The following ZNF260 variants were observed in gnomAD, a reference collection of about 807,000 sequenced individuals.
ZNF260 encodes the protein zinc finger protein 260.
ZNF260 carries 21 observed loss-of-function variants against 29.3 expected under a neutral mutation model. That is an observed-to-expected ratio of 0.72 (90% CI 0.51 to 1.03). The LOEUF is 1.03. ZNF260 is among the 50% of genes least tolerant of loss of function. ZNF260 has a pLI of 0.00. For synonymous variants in ZNF260, 156 were observed against 156.8 expected (o/e 0.99, Z 0.04); for missense variants, 465 against 487.8 (o/e 0.95, Z 0.44).
chr19:36,514,001 T>A lies in ZNF260; in HGVS notation c.1238A>T (p.Ter413LeuextTer4). 1 of 1,609,072 alleles carries A rather than the reference T, an allele frequency of 6.2e-7. No homozygotes were observed. Residue 413 changes from the stop codon to leucine, a stop_lost, in exon 3 of 3, where the codon TAA (stop) becomes TTA (leucine). Transcript: ENST00000523638. ...HIRHQRIHTH[*>L] Reference sequence around the variant, plus strand: ...AATCCAAGGCATTCATAGAGAACTTTAATGAGTATGAATTCTCTGGTGTCT... The same window carrying A: ...AATCCAAGGCATTCATAGAGAACTTAAATGAGTATGAATTCTCTGGTGTCT...
chr19:36,515,426 G>C lies in ZNF260; in HGVS notation c.-188C>G. 1 of 550,120 alleles carries C rather than the reference G, an allele frequency of 1.8e-6. No homozygotes were observed. The highest frequency in any genetic ancestry group is 1.9e-5 in the African/African-American group (1 of 52,812). The allele number at this position is 550,120 out of a possible 1,614,324, so 34.1% of individuals were successfully genotyped here. On this transcript the variant is annotated 5_prime_UTR_variant, in exon 3 of 3. Coordinates refer to ENST00000523638, the MANE Select transcript of ZNF260 (RefSeq NM_001166037.2). Reference sequence around the variant, plus strand: ...CCCTGAGATGAGATGATTACAAAAAGGGATAAAATGTAACATTCTCTTTAT... The same window carrying C: ...CCCTGAGATGAGATGATTACAAAAACGGATAAAATGTAACATTCTCTTTAT...
intron 2 of ZNF260, among the ~76,000 whole-genome samples, chr19:36,524,252 T>G (rs2034691202): frequency 6.6e-6 from 1 of 152,082 alleles, no homozygotes; most frequent in Non-Finnish European, 1.5e-5. Context: ...CTCAGCTCAC[T>G]GCAAGTTCCA....
intron 2 of ZNF260, among the ~76,000 whole-genome samples, chr19:36,522,839 CAT>C (rs943544139): frequency 5.1e-4 from 78 of 152,364 alleles, no homozygotes; most frequent in African/African-American, 1.9e-3. Flanking sequence ...CTATTCACCA[CAT>C]GAGTGTTATG....
intron 2 of ZNF260, among the ~76,000 whole-genome samples, chr19:36,521,988 G>A (rs2034654432): frequency 6.6e-6 from 1 of 151,710 alleles, no homozygotes. Flanking sequence ...GGCAGAGCTT[G>A]CAGTGAGCCG....
rs1167065168 is a variant in ZNF260, at chr19:36,515,548, A to C, written c.-310T>G. On this transcript the variant is annotated 5_prime_UTR_variant, in exon 3 of 3. Coordinates refer to ENST00000523638, the MANE Select transcript of ZNF260 (RefSeq NM_001166037.2). Reference sequence around the variant, plus strand: ...TTTTAAACTGAGTTCCATACACAGAAGGGTAGTCTTGAAGAATCAATGACT... The same window carrying C: ...TTTTAAACTGAGTTCCATACACAGACGGGTAGTCTTGAAGAATCAATGACT... The C allele has an allele frequency of 2.3e-5, 5 of 215,628 alleles. No homozygotes were observed. The allele number at this position is 215,628 out of a possible 1,614,324, so 13.4% of individuals were successfully genotyped here.
chr19:36,519,364 C>T (rs1244595882), intron 2 of ZNF260, among the ~76,000 whole-genome samples: 1 of 152,122 alleles, frequency 6.6e-6, no homozygotes, highest in Admixed American at 6.5e-5. Context: ...TACGTAAATG[C>T]TTACAAATGC....
rs760402360 is a variant in ZNF260, at chr19:36,512,139, G to C, written c.*1861C>G. 2 of 151,892 alleles carry C rather than the reference G, an allele frequency of 1.3e-5. No homozygotes were observed. Among genetic ancestry groups the C allele is most frequent in the African/African-American group, 4.8e-5 (2 of 41,314 alleles). The allele number at this position is 151,892 out of a possible 1,614,324, so 9.4% of individuals were successfully genotyped here. Reference sequence around the variant, plus strand: ...AAGACTATATACAGATTAGAACTACGTACAGATTATGTAAAATTTACTCTT... The same window carrying C: ...AAGACTATATACAGATTAGAACTACCTACAGATTATGTAAAATTTACTCTT... On this transcript the variant is annotated 3_prime_UTR_variant, in exon 3 of 3. Transcript: ENST00000523638.
chr19:36,514,684 G>A lies in ZNF260; in HGVS notation c.555C>T (p.Ile185=). 1 of 1,613,496 alleles carries A rather than the reference G, an allele frequency of 6.2e-7. No homozygotes were observed. The highest frequency in any genetic ancestry group is 8.5e-7 in the Non-Finnish European group (1 of 1,179,896). The change falls in exon 3 of 3, where the codon ATC becomes ATT. Residue 185 remains isoleucine, a synonymous_variant. Transcript: ENST00000523638. ...ATTTAAAGGGCTTCTTTCCAGTATG[G>A]ATGTTCTGATGTTTAATGAGGTATT... ...QKQYLIKHQN[I]HTGKKPFKCS...
At chr19:36,523,646 C>T (rs370579963) in intron 2 of ZNF260, among the ~76,000 whole-genome samples, 9 of 147,448 alleles carry the variant, frequency 6.1e-5, no homozygotes, top group African/African-American at 1.8e-4. Context: ...GGCATGATCT[C>T]GGCTCACTGC....
chr19:36,513,123 G>A lies in ZNF260; in HGVS notation c.*877C>T, dbSNP rs891370494. The stretch of plus-strand genomic sequence containing the variant: ...TTAAATCTCTTGCTGTGTCTAATCT[G>A]TAAACTAAATTTTATCATAGGTATG... On this transcript the variant is annotated 3_prime_UTR_variant, in exon 3 of 3. Transcript: ENST00000523638. 10 of 151,950 alleles carry A rather than the reference G, an allele frequency of 6.6e-5. No individual in the cohort carries two copies. Among genetic ancestry groups the A allele is most frequent in the Non-Finnish European group, 1.0e-4 (7 of 67,960 alleles). 9.4% of individuals were successfully genotyped at this position (151,950 alleles called of 1,614,324 possible).
In ZNF260 at chr19:36,512,676, T is replaced by C. The variant is rs764608011; in HGVS notation, c.*1324A>G. The C allele has an allele frequency of 2.0e-5, 3 of 152,138 alleles. No individual in the cohort carries two copies. The highest frequency in any genetic ancestry group is 4.4e-5 in the Non-Finnish European group (3 of 68,018). 9.4% of individuals were successfully genotyped at this position (152,138 alleles called of 1,614,324 possible). A position where few individuals can be genotyped will look rare whatever the true frequency, so the allele number is the denominator to read the frequency against. ...TTCACAGAAGCATCATTACAATATG[T>C]TCATCATTTTTCTTCACTCTAATTT... On this transcript the variant is annotated 3_prime_UTR_variant, in exon 3 of 3. Coordinates refer to ENST00000523638, the MANE Select transcript of ZNF260 (RefSeq NM_001166037.2).
Position 36,515,102 on chromosome 19 carries a change from T to C in ZNF260, c.137A>G (p.Lys46Arg), listed in dbSNP as rs771892484. The C allele has an allele frequency of 6.2e-7, 1 of 1,614,032 alleles. No homozygotes were observed. Among genetic ancestry groups the C allele is most frequent in the African/African-American group, 1.3e-5 (1 of 74,948 alleles). Residue 46 changes from lysine to arginine, a missense_variant, in exon 3 of 3, where the codon AAG (lysine) becomes AGG (arginine). Transcript: ENST00000523638. ...FSLKQNLVEH[K>R]KMHTGEKSHE... Reference sequence around the variant, plus strand: ...AGATTTCTCTCCAGTATGCATTTTCTTATGCTCTACAAGGTTTTGCTTCAG... The same window carrying C: ...AGATTTCTCTCCAGTATGCATTTTCCTATGCTCTACAAGGTTTTGCTTCAG...
At chr19:36,525,583 T>C (rs928959818) in intron 1 of ZNF260, among the ~76,000 whole-genome samples, 13 of 152,098 alleles carry the variant, frequency 8.5e-5, no homozygotes, top group Non-Finnish European at 1.8e-4. Flanking sequence ...GATTAGGAGT[T>C]CGAGACCCGC....
In ZNF260 at chr19:36,515,657, T is replaced by C. The variant is rs2034536894; in HGVS notation, c.-419A>G. ...AGATGAGACTTAACTTACAAGTCTTTCATGTTGCGTCTTTATCTGTTTATA... is the reference window on the plus strand; with the variant it reads ...AGATGAGACTTAACTTACAAGTCTTCCATGTTGCGTCTTTATCTGTTTATA... On this transcript the variant is annotated 5_prime_UTR_variant, in exon 3 of 3. Coordinates refer to ENST00000523638, the MANE Select transcript of ZNF260 (RefSeq NM_001166037.2). 2 of 166,280 alleles carry C rather than the reference T, an allele frequency of 1.2e-5. No homozygotes were observed. The highest frequency in any genetic ancestry group is 4.8e-5 in the African/African-American group (2 of 41,478). 10.3% of individuals were successfully genotyped at this position (166,280 alleles called of 1,614,324 possible). A position where few individuals can be genotyped will look rare whatever the true frequency, so the allele number is the denominator to read the frequency against.
In ZNF260 at chr19:36,512,521, CCTAGAGGTAACCA is replaced by C. The variant is rs1432179423; in HGVS notation, c.*1466_*1478del. On this transcript the variant is annotated 3_prime_UTR_variant, in exon 3 of 3. Coordinates refer to ENST00000523638, the MANE Select transcript of ZNF260 (RefSeq NM_001166037.2). The stretch of plus-strand genomic sequence containing the variant: ...ACATTTCCCTTCCACCTCCTTTCTT[CCTAGAGGTAACCA>C]CTCCACTTTTGGGAACTGAGTATAT... The C allele has an allele frequency of 6.6e-6, 1 of 152,128 alleles. No individual in the cohort carries two copies. The highest frequency in any genetic ancestry group is 6.6e-5 in the Admixed American group (1 of 15,264). The allele number at this position is 152,128 out of a possible 1,614,324, so 9.4% of individuals were successfully genotyped here.
Position 36,514,454 on chromosome 19 carries a change from T to A in ZNF260, c.785A>T (p.Asn262Ile). ...ECGKAFSGKS[N>I]LTEHEKIHIG... is the part of the protein sequence containing the mutation. The stretch of plus-strand genomic sequence containing the variant: ...ATGAATTTTCTCATGCTCTGTGAGA[T>A]TTGACTTGCCACTGAAGGCTTTCCC... Residue 262 changes from asparagine to isoleucine, a missense_variant, in exon 3 of 3, where the codon AAT becomes ATT. Coordinates refer to ENST00000523638, the MANE Select transcript of ZNF260 (RefSeq NM_001166037.2). 6.2e-7 allele frequency: 1 copy of A among 1,613,848 alleles called. No homozygotes were observed. The highest frequency in any genetic ancestry group is 2.2e-5 in the East Asian group (1 of 44,842).
Position 36,527,622 on chromosome 19 carries a change from A to C in ZNF260, c.-681+597T>G, listed in dbSNP as rs73931038. ...TCTGCGCTATTGGAAACTACCTCTT[A>C]AAGATATTCCTTAGTTCAGGGTTTC... is the stretch of plus-strand genomic sequence containing the variant. On this transcript the variant is annotated intron_variant, in intron 1 of 2. Transcript: ENST00000523638. 2.1e-3 allele frequency among the ~76,000 whole-genome samples: 315 copies of C among 152,274 alleles called. 1 individual carries two copies. The highest frequency in any genetic ancestry group is 7.2e-3 in the African/African-American group (300 of 41,548).
intron 2 of ZNF260, among the ~76,000 whole-genome samples, chr19:36,522,115 G>T (rs1487700339): frequency 5.9e-5 from 9 of 151,764 alleles, no homozygotes; most frequent in African/African-American, 2.2e-4. Context: ...TGCTCTAATG[G>T]CAAGCAAACT....
At chr19:36,518,954 C>T (rs1022946138) in intron 2 of ZNF260, among the ~76,000 whole-genome samples, 5 of 151,430 alleles carry the variant, frequency 3.3e-5, no homozygotes, top group African/African-American at 9.7e-5. Flanking sequence ...TGAGATGGTA[C>T]GATGGCTTGA....
Sources: gnomAD v4.1 joint callset for allele counts (sites outside exome capture counted in the v4.1 genomes callset) on GRCh38, gnomAD v4.1.1 for gene constraint, MANE v1.5 for transcripts, NCBI Gene and HGNC (gene_info 2026-07-23, HGNC 2026-07-21) for gene names.